The following PCMTD1 variants were observed in gnomAD, a reference collection of about 807,000 sequenced individuals.
PCMTD1 encodes the protein protein-L-isoaspartate O-methyltransferase domain-containing protein 1.
Under a neutral mutation model 37.6 loss-of-function variants are expected in PCMTD1, and 12 were observed. The ratio of observed to expected loss-of-function variants is 0.32; its 90% CI spans 0.20 to 0.52. The LOEUF is 0.52. PCMTD1 is among the 20% of genes least tolerant of loss of function. PCMTD1 has a pLI of 0.97. For missense variants in PCMTD1, 235 were observed against 421.3 expected (o/e 0.56, Z 3.87); for synonymous variants, 117 against 135.8 (o/e 0.86, Z 0.96).
intron 5 of PCMTD1, among the ~76,000 whole-genome samples, chr8:51,824,473 G>C (rs2037892587): frequency 1.3e-5 from 2 of 152,056 alleles, no homozygotes; most frequent in Non-Finnish European, 2.9e-5. Flanking sequence ...AAAATACCTA[G>C]GAATACAACT....
intron 3 of PCMTD1, among the ~76,000 whole-genome samples, chr8:51,842,377 C>G (rs768916696): frequency 2.6e-5 from 4 of 152,138 alleles, no homozygotes; most frequent in Non-Finnish European, 4.4e-5. Flanking sequence ...GTTGCTCAGG[C>G]TGGAGTGCAA....
intron 5 of PCMTD1, among the ~76,000 whole-genome samples, chr8:51,825,363 A>G (rs2037906903): frequency 6.6e-6 from 1 of 151,424 alleles, no homozygotes; most frequent in African/African-American, 2.4e-5. Flanking sequence ...AACCCCATCA[A>G]AAAGTGGGCA....
At chr8:51,828,941 GT>G (rs1273149738) in intron 5 of PCMTD1, among the ~76,000 whole-genome samples, 2 of 151,860 alleles carry the variant, frequency 1.3e-5, no homozygotes, top group East Asian at 3.9e-4. Context: ...ATAATCCTTT[GT>G]TTTTTATCAT....
chr8:51,818,968 A>C lies in PCMTD1; in HGVS notation c.*1383T>G, dbSNP rs915235601. ...ACTCTCAAATTTTTCCCTTTAAGAA[A>C]TATATAATCCATGTAACTCTAGCAA... On this transcript the variant is annotated 3_prime_UTR_variant, in exon 6 of 6. Transcript: ENST00000522514. 5.3e-5 allele frequency: 8 copies of C among 152,248 alleles called. No homozygotes were observed. The highest frequency in any genetic ancestry group is 1.9e-4 in the African/African-American group (8 of 41,462). The allele number at this position is 152,248 out of a possible 1,614,324, so 9.4% of individuals were successfully genotyped here. A position where few individuals can be genotyped will look rare whatever the true frequency, so the allele number is the denominator to read the frequency against.
At position 51,820,864 on chromosome 8, in the gene PCMTD1, G is replaced by A. The variant is rs1246161736; in HGVS notation, c.707-146C>T. On this transcript the variant is annotated intron_variant, in intron 5 of 5. Transcript: ENST00000522514. ...AAAACTCTACCTTTCATCTAACAAA[G>A]GTTTTGGAGTAGTCATTATATGCCA... The A allele has an allele frequency of 4.1e-6, 4 of 985,476 alleles. No individual in the cohort carries two copies. The African/African-American group carries it at 6.6e-5, about 16-fold the overall frequency. The allele number at this position is 985,476 out of a possible 1,614,324, so 61.0% of individuals were successfully genotyped here.
chr8:51,831,403 A>G (rs112086185), intron 5 of PCMTD1, 41 bp downstream of exon 5: 227 of 1,596,164 alleles, frequency 1.4e-4, no homozygotes, highest in African/African-American at 1.9e-4. Context: ...GCCAAACACC[A>G]TAAGTCATAA....
At chr8:51,850,697 A>T (rs1370855152) in intron 2 of PCMTD1, among the ~76,000 whole-genome samples, 1 of 152,192 alleles carries the variant, frequency 6.6e-6, no homozygotes, top group African/African-American at 2.4e-5. Flanking sequence ...CACAAGGGGG[A>T]GTAGGTGGAT....
chr8:51,822,130 C>T (rs925555264), intron 5 of PCMTD1, among the ~76,000 whole-genome samples: 7 of 152,036 alleles, frequency 4.6e-5, no homozygotes, highest in African/African-American at 1.7e-4. Context: ...AAACATCTTG[C>T]GGGCAGAGGG....
intron 5 of PCMTD1, chr8:51,827,429 A>C: frequency 2.0e-6 from 1 of 504,412 alleles, no homozygotes; most frequent in Non-Finnish European, 3.6e-6. Context: ...AGCTGTTCTG[A>C]GTAGTGTAGT....
At chr8:51,840,958 T>G (rs6990552) in intron 3 of PCMTD1, among the ~76,000 whole-genome samples, 104,286 of 151,826 alleles carry the variant, frequency 0.69, 42,257 homozygotes, top group Non-Finnish European at 0.9. Flanking sequence ...AAAAGTAAAT[T>G]ATGAAAATAA....
intron 5 of PCMTD1, among the ~76,000 whole-genome samples, chr8:51,828,003 ATGT>A (rs1175184023): frequency 6.6e-6 from 1 of 152,328 alleles, no homozygotes; most frequent in African/African-American, 2.4e-5. Flanking sequence ...TTAATGAATT[ATGT>A]TATTATAAAA....
At chr8:51,870,076 A>G (rs1585836997) in intron 1 of PCMTD1, among the ~76,000 whole-genome samples, 1 of 152,292 alleles carries the variant, frequency 6.6e-6, no homozygotes, top group Middle Eastern at 3.4e-3. Flanking sequence ...GGAGGTAGGA[A>G]GCAGACCAAT....
intron 1 of PCMTD1, among the ~76,000 whole-genome samples, chr8:51,880,389 G>T (rs1462516298): frequency 6.6e-6 from 1 of 151,984 alleles, no homozygotes; most frequent in Non-Finnish European, 1.5e-5. Flanking sequence ...TATTGAAAAA[G>T]GTATAGGAAA....
chr8:51,893,398 T>C lies in PCMTD1; in HGVS notation c.-96+5532A>G, dbSNP rs377583075. The stretch of plus-strand genomic sequence containing the variant: ...ATGAACTCTTCAGCAATGTAAGAAT[T>C]ATGTATAATCTGTGTGAGGGCATTT... On this transcript the variant is annotated intron_variant, in intron 1 of 5. Transcript: ENST00000522514. Among the ~76,000 whole-genome samples, 108 of 152,316 alleles carry C rather than the reference T, an allele frequency of 7.1e-4. 1 individual carries two copies. Among genetic ancestry groups the C allele is most frequent in the African/African-American group, 2.2e-3 (93 of 41,570 alleles).
chr8:51,857,270 C>T (rs1422333679), intron 2 of PCMTD1, among the ~76,000 whole-genome samples: 2 of 152,130 alleles, frequency 1.3e-5, no homozygotes, highest in Non-Finnish European at 2.9e-5. Flanking sequence ...TGCTGGATGG[C>T]ACTAGCAGTC....
At chr8:51,870,532 TTTTG>T (rs528315472) in intron 1 of PCMTD1, 203 of 152,340 alleles carry the variant, frequency 1.3e-3, no homozygotes, top group African/African-American at 4.4e-3. Flanking sequence ...AAATCTTAAA[TTTTG>T]TTTAAGTAGT....
chr8:51,878,427 C>T (rs2038745903), intron 1 of PCMTD1, among the ~76,000 whole-genome samples: 2 of 152,018 alleles, frequency 1.3e-5, no homozygotes, highest in Admixed American at 1.3e-4. Flanking sequence ...GAAACTATTT[C>T]AAAATGAAGT....
At chr8:51,848,791 A>C (rs1336939523) in intron 2 of PCMTD1, among the ~76,000 whole-genome samples, 1 of 152,214 alleles carries the variant, frequency 6.6e-6, no homozygotes, top group Non-Finnish European at 1.5e-5. Context: ...TTAATACTGA[A>C]TTGTAAACAC....
At chr8:51,880,587 T>G (rs563758363) in intron 1 of PCMTD1, among the ~76,000 whole-genome samples, 1 of 152,238 alleles carries the variant, frequency 6.6e-6, no homozygotes, top group South Asian at 2.1e-4. Flanking sequence ...AACAACCTTT[T>G]CAATCTCCAA....
Sources: allele counts gnomAD v4.1 joint callset (sites outside exome capture counted in the v4.1 genomes callset), GRCh38; gene constraint gnomAD v4.1.1; transcripts MANE v1.5; gene names NCBI Gene and HGNC (gene_info 2026-07-23, HGNC 2026-07-21).